Variants in PLCD4 observed in about 807,000 individuals in gnomAD.
PLCD4 encodes phospholipase C delta 4.
In PLCD4, 63 loss-of-function variants were observed where a neutral mutation model predicts 90.2. The observed-to-expected ratio is 0.70, with a 90% confidence interval of 0.57 to 0.86. The LOEUF (loss-of-function observed/expected upper bound fraction) is 0.86. Ranked by LOEUF, PLCD4 falls within the 40% of genes least tolerant of loss-of-function variation. The probability of loss-of-function intolerance (pLI) is 0.00; values close to 1 mark genes in which losing one functional copy is unlikely to be tolerated. For synonymous variants in PLCD4, 294 were observed against 356.5 expected (o/e 0.82, Z 1.97); for missense variants, 830 against 956.3 (o/e 0.87, Z 1.74).
At chr2:218,616,478 G>A (rs1373509908) in intron 3 of PLCD4, among the ~76,000 whole-genome samples, 1 of 152,124 alleles carries the variant, frequency 6.6e-6, no homozygotes, top group African/African-American at 2.4e-5. Flanking sequence ...TTGGGAGGTT[G>A]AGGCAGGAGA....
At chr2:218,619,912 C>G (rs1346544461) in intron 4 of PLCD4, among the ~76,000 whole-genome samples, 3 of 152,204 alleles carry the variant, frequency 2.0e-5, no homozygotes, top group African/African-American at 7.2e-5. Context: ...GGGTCTCACT[C>G]TGTCACCCAA....
chr2:218,618,131 G>C (rs962398095), intron 3 of PLCD4, among the ~76,000 whole-genome samples: 6 of 152,026 alleles, frequency 3.9e-5, no homozygotes, highest in Admixed American at 6.6e-5. Flanking sequence ...CCTGGAATGA[G>C]AGAACTGGAC....
rs756733507 is a variant in PLCD4 at position 218,632,279 on chromosome 2, G to A, written c.1416G>A (p.Gln472=). Residue 472 remains glutamine, a synonymous_variant, in exon 10 of 16, where the codon CAG becomes CAA. Transcript: ENST00000450993. ...AGTTTGAGACTGAGCCTGAGCCCCA[G>A]GAGCAGAACCTTCAGAATAAGGACA... The part of the protein sequence containing the change: ...ESQFETEPEP[Q]EQNLQNKDKK... The A allele has an allele frequency of 2.5e-6, 4 of 1,610,986 alleles. No individual in the cohort carries two copies. In the African/African-American group the frequency reaches 5.3e-5, roughly 22 times the overall value.
intron 11 of PLCD4, 137 bp from the exon 12 acceptor site, chr2:218,633,968 G>A: frequency 7.7e-7 from 1 of 1,293,098 alleles, no homozygotes; most frequent in Non-Finnish European, 1.1e-6. Context: ...GATGGACAGA[G>A]TAGAGAGGCA....
intron 6 of PLCD4, among the ~76,000 whole-genome samples, chr2:218,623,930 G>A (rs1458308270): frequency 4.6e-5 from 7 of 152,178 alleles, no homozygotes; most frequent in African/African-American, 1.4e-4. Flanking sequence ...TGATCCACCC[G>A]CCTCAACCTC....
In PLCD4 at chr2:218,629,550, G is replaced by A. The variant is rs1696266469; in HGVS notation, c.1006G>A (p.Val336Met). Residue 336 changes from valine (V) to methionine (M), a missense_variant, in exon 8 of 16, where the codon GTG becomes ATG. Transcript: ENST00000450993. ...ALKRGCRCVE[V>M]DVWDGPSGEP... ...GAAGCGGGGGTGCCGCTGCGTGGAG[G>A]TGGATGTATGGGATGGACCTAGCGG... 3 of 1,613,700 alleles carry A rather than the reference G, an allele frequency of 1.9e-6. No individual in the cohort carries two copies. The highest frequency in any genetic ancestry group is 1.6e-4 in the Middle Eastern group (1 of 6,084).
intron 6 of PLCD4, among the ~76,000 whole-genome samples, chr2:218,625,133 GAAAGAAAGAAAGA>G (rs1696059197): frequency 1.8e-5 from 2 of 108,266 alleles, no homozygotes; most frequent in African/African-American, 7.4e-5. Context: ...AAAAAAAAAA[GAAAGAAAGAAAGA>G]AAAAAGAAAT....
At chr2:218,633,524 G>A in intron 10 of PLCD4, 81 bp from the exon 11 acceptor site, 1 of 1,499,848 alleles carries the variant, frequency 6.7e-7, no homozygotes, top group Non-Finnish European at 9.3e-7. Context: ...AGTGGGCAGA[G>A]GTTTAGGTTG....
rs765186512 is a variant in PLCD4 at position 218,632,249 on chromosome 2, G to T, written c.1386G>T (p.Glu462Asp). Residue 462 changes from glutamate to aspartate, a missense_variant, in exon 10 of 16, where the codon GAG (glutamate) becomes GAT (aspartate). Physicochemically the swap from Glu to Asp is conservative, Grantham distance 45. Transcript: ENST00000450993. ...PELEESELAL[E>D]SQFETEPEPQ... is the part of the protein sequence containing the mutation. ...TGGAAGAGTCAGAATTGGCGCTGGA[G>T]TCCCAGTTTGAGACTGAGCCTGAGC... 115 of 1,611,508 alleles carry T rather than the reference G, an allele frequency of 7.1e-5. 1 individual carries two copies. Among genetic ancestry groups the T allele is most frequent in the Non-Finnish European group, 9.5e-5 (112 of 1,178,934 alleles).
rs549250637 is a variant in PLCD4, at chr2:218,608,569, A to C, written c.-34+499A>C. 2.0e-5 allele frequency among the ~76,000 whole-genome samples: 3 copies of C among 152,266 alleles called. No individual in the cohort carries two copies. The South Asian group carries it at 6.2e-4, about 32-fold the overall frequency. On this transcript the variant is annotated intron_variant, in intron 1 of 15. Transcript: ENST00000450993. ...CCAGAGCAGTTTCTTAGTGCACCAG[A>C]GTGCTACGTTGGTAAGAAAACCTAC... is the stretch of plus-strand genomic sequence containing the variant.
chr2:218,617,545 C>T (rs1695674606), intron 3 of PLCD4, among the ~76,000 whole-genome samples: 1 of 151,044 alleles, frequency 6.6e-6, no homozygotes, highest in African/African-American at 2.4e-5. Flanking sequence ...CCATTGCACT[C>T]CAGCCTGGGT....
intron 1 of PLCD4, among the ~76,000 whole-genome samples, chr2:218,609,067 C>CG (rs1252981419): frequency 2.0e-5 from 3 of 149,910 alleles, no homozygotes; most frequent in African/African-American, 4.9e-5. Flanking sequence ...GCGTGAACCC[C>CG]GGGGGGCGGA....
At chr2:218,617,729 A>G (rs1695683124) in intron 3 of PLCD4, among the ~76,000 whole-genome samples, 1 of 152,194 alleles carries the variant, frequency 6.6e-6, no homozygotes, top group African/African-American at 2.4e-5. Context: ...CCCCCAGCTG[A>G]GGTAAGAGGG....
At chr2:218,627,609 T>C (rs1251574281) in intron 6 of PLCD4, among the ~76,000 whole-genome samples, 1 of 151,622 alleles carries the variant, frequency 6.6e-6, no homozygotes, top group Non-Finnish European at 1.5e-5. Flanking sequence ...GCCTCCCGGG[T>C]TCACGCCATT....
chr2:218,628,187 G>C lies in PLCD4; in HGVS notation c.931G>C (p.Gly311Arg). 1 of 1,614,022 alleles carries C rather than the reference G, an allele frequency of 6.2e-7. No homozygotes were observed. Among genetic ancestry groups the C allele is most frequent in the Non-Finnish European group, 8.5e-7 (1 of 1,179,906 alleles). ...ICSSHNTYLV[G>R]DQLCGQSSVE... ...CTCTTCTCATAACACCTACCTAGTG[G>C]GGGACCAGCTTTGTGGCCAGAGCAG... Residue 311 changes from glycine to arginine, a missense_variant, in exon 7 of 16, where the codon GGG becomes CGG. Coordinates refer to ENST00000450993, the MANE Select transcript of PLCD4 (RefSeq NM_032726.4).
At chr2:218,621,671 C>T in intron 5 of PLCD4, 72 bp downstream of exon 5, 1 of 1,565,578 alleles carries the variant, frequency 6.4e-7, no homozygotes, top group Non-Finnish European at 8.8e-7. Context: ...TCCTCTGACC[C>T]CAGTCCACAA....
chr2:218,614,610 C>T (rs1164022188), intron 1 of PLCD4, among the ~76,000 whole-genome samples: 1 of 151,990 alleles, frequency 6.6e-6, no homozygotes, highest in Non-Finnish European at 1.5e-5. Flanking sequence ...CCACCATGCC[C>T]AGCTAATTTT....
At chr2:218,633,965 A>G in intron 11 of PLCD4, 140 bp from the exon 12 acceptor site, 4 of 1,271,584 alleles carry the variant, frequency 3.1e-6, no homozygotes, top group Non-Finnish European at 4.4e-6. Context: ...CTGGATGGAC[A>G]GAGTAGAGAG....
chr2:218,621,282 G>A (rs1202572885), intron 4 of PLCD4, among the ~76,000 whole-genome samples, 188 bp from the exon 5 acceptor site: 1 of 152,192 alleles, frequency 6.6e-6, no homozygotes, highest in Non-Finnish European at 1.5e-5. Context: ...GCAGGTGCCT[G>A]GGCCATACAG....
Sources: allele counts gnomAD v4.1 joint callset (sites outside exome capture counted in the v4.1 genomes callset), GRCh38; gene constraint gnomAD v4.1.1; transcripts MANE v1.5; gene names NCBI Gene and HGNC (gene_info 2026-07-23, HGNC 2026-07-21).